Variants in UNC5C observed in about 807,000 individuals in gnomAD.
The protein encoded by UNC5C is netrin receptor UNC5C.
UNC5C carries 47 observed loss-of-function variants against 99.8 expected under a neutral mutation model. That is an observed-to-expected ratio of 0.47 (90% CI 0.37 to 0.60). The LOEUF (loss-of-function observed/expected upper bound fraction) is 0.60, where lower values mean the gene tolerates loss of function less well. UNC5C is among the 20% of genes least tolerant of loss of function. The probability of loss-of-function intolerance (pLI) is 0.00; values close to 1 mark genes in which losing one functional copy is unlikely to be tolerated. For missense variants in UNC5C, 1,062 were observed against 1,165.9 expected, an observed-to-expected ratio of 0.91 and a Z score of 1.30; for synonymous variants, 487 against 452.2, an observed-to-expected ratio of 1.08 and a Z score of -0.98.
chr4:95,374,252 G>A (rs1312850298), intron 1 of UNC5C, among the ~76,000 whole-genome samples: 1 of 152,054 alleles, frequency 6.6e-6, no homozygotes, highest in Non-Finnish European at 1.5e-5. Context: ...GATACTTCAA[G>A]GTTATATATC....
At chr4:95,190,067 A>G (rs572030287) in intron 12 of UNC5C, among the ~76,000 whole-genome samples, 1 of 152,330 alleles carries the variant, frequency 6.6e-6, no homozygotes, top group Admixed American at 6.5e-5. Flanking sequence ...CACTATTCAC[A>G]ATAGCAAAGA....
chr4:95,483,921 A>C (rs1356572692), intron 1 of UNC5C, among the ~76,000 whole-genome samples: 1 of 151,882 alleles, frequency 6.6e-6, no homozygotes, highest in African/African-American at 2.4e-5. Context: ...TACAGTTTTT[A>C]GGGCATTTCA....
chr4:95,489,287 G>A (rs1380026509), intron 1 of UNC5C, among the ~76,000 whole-genome samples: 2 of 151,718 alleles, frequency 1.3e-5, no homozygotes, highest in African/African-American at 4.8e-5. Flanking sequence ...GGAACCAAAG[G>A]CCCTAAGTTG....
chr4:95,265,889 T>C (rs192702430), intron 4 of UNC5C, among the ~76,000 whole-genome samples: 259 of 152,170 alleles, frequency 1.7e-3, no homozygotes, highest in African/African-American at 6.1e-3. Flanking sequence ...TGTAGGGGGA[T>C]TTAAATGAGA....
chr4:95,477,398 C>G (rs1025093431), intron 1 of UNC5C, among the ~76,000 whole-genome samples: 5 of 151,998 alleles, frequency 3.3e-5, no homozygotes, highest in African/African-American at 1.2e-4. Context: ...AATAACATAT[C>G]TAAGAAAAAA....
chr4:95,267,097 G>T (rs751801690), intron 4 of UNC5C, among the ~76,000 whole-genome samples: 4 of 152,120 alleles, frequency 2.6e-5, no homozygotes, highest in Non-Finnish European at 4.4e-5. Context: ...CTCATGGTTT[G>T]CTATCAAAAG....
At chr4:95,321,198 G>A (rs1477694782) in intron 2 of UNC5C, among the ~76,000 whole-genome samples, 1 of 152,028 alleles carries the variant, frequency 6.6e-6, no homozygotes. Flanking sequence ...GGATATAGTC[G>A]GGGTGCTCTG....
intron 1 of UNC5C, among the ~76,000 whole-genome samples, chr4:95,424,534 T>C (rs934330067): frequency 7.1e-6 from 1 of 140,512 alleles, no homozygotes; most frequent in Admixed American, 7.1e-5. Context: ...TTTTTTTTTT[T>C]TTTTTGAGAC....
intron 14 of UNC5C, among the ~76,000 whole-genome samples, chr4:95,181,924 G>A (rs1371236076): frequency 1.3e-5 from 2 of 152,198 alleles, no homozygotes; most frequent in East Asian, 3.8e-4. Context: ...CGAGGGAGAG[G>A]TAGTATTTTA....
intron 1 of UNC5C, among the ~76,000 whole-genome samples, chr4:95,456,805 TA>T (rs1747439928): frequency 6.6e-6 from 1 of 152,142 alleles, no homozygotes; most frequent in African/African-American, 2.4e-5. Flanking sequence ...CAAATACTAT[TA>T]AAAGATTCAG....
At chr4:95,190,942 C>G (rs893942628) in intron 12 of UNC5C, among the ~76,000 whole-genome samples, 3 of 152,156 alleles carry the variant, frequency 2.0e-5, no homozygotes, top group African/African-American at 7.2e-5. Flanking sequence ...GCAGCTTTCA[C>G]AATAACCAAT....
chr4:95,350,278 G>A lies in UNC5C; in HGVS notation c.125-14647C>T, dbSNP rs563427100. Among the ~76,000 whole-genome samples the A allele has an allele frequency of 3.3e-5, 5 of 152,122 alleles. No homozygotes were observed. The East Asian group carries it at 7.7e-4, about 24-fold the overall frequency. On this transcript the variant is annotated intron_variant, in intron 1 of 15. Transcript: ENST00000453304. The stretch of plus-strand genomic sequence containing the variant: ...CGAAGTGGGCAGATCATGAAGTCAA[G>A]AGATCAAAACCATCCTGGCCAAACA...
At chr4:95,335,683 C>T in intron 1 of UNC5C, 52 bp from the exon 2 acceptor site, 1 of 1,413,458 alleles carries the variant, frequency 7.1e-7, no homozygotes, top group South Asian at 1.4e-5. Flanking sequence ...AACAACTTGC[C>T]TTCTACTTGC....
At chr4:95,512,567 G>C (rs922166688) in intron 1 of UNC5C, among the ~76,000 whole-genome samples, 6 of 152,114 alleles carry the variant, frequency 3.9e-5, no homozygotes, top group African/African-American at 1.4e-4. Context: ...TTACCCCAGG[G>C]AGGAGAGTTT....
chr4:95,193,199 A>G (rs1737228179), intron 12 of UNC5C, among the ~76,000 whole-genome samples: 1 of 152,234 alleles, frequency 6.6e-6, no homozygotes, highest in African/African-American at 2.4e-5. Flanking sequence ...CCACGAGGCC[A>G]GGCATCAGCA....
intron 1 of UNC5C, among the ~76,000 whole-genome samples, chr4:95,478,870 T>C (rs1229915163): frequency 1.3e-5 from 2 of 151,872 alleles, no homozygotes; most frequent in Non-Finnish European, 2.9e-5. Context: ...GCCTTTATCA[T>C]GGTAATCAGC....
intron 2 of UNC5C, among the ~76,000 whole-genome samples, chr4:95,328,751 T>C (rs1390592164): frequency 1.3e-5 from 2 of 151,730 alleles, no homozygotes; most frequent in African/African-American, 2.4e-5. Flanking sequence ...TTTTAATGAT[T>C]GCCATTCTAA....
rs141510694 is a variant in UNC5C at position 95,436,872 on chromosome 4, C to G, written c.125-101241G>C. Reference sequence around the variant, plus strand: ...ATTTTCTAGCATCTAATTTCTATGACAGATGTACTATGGGATTTTCATAAT... The same window carrying G: ...ATTTTCTAGCATCTAATTTCTATGAGAGATGTACTATGGGATTTTCATAAT... On this transcript the variant is annotated intron_variant, in intron 1 of 15. Transcript: ENST00000453304. Among the ~76,000 whole-genome samples, 522 of 151,516 alleles carry G rather than the reference C, an allele frequency of 3.4e-3. 17 individuals carry two copies. Among genetic ancestry groups the G allele is most frequent in the East Asian group, 0.024 (122 of 5,146 alleles).
intron 1 of UNC5C, among the ~76,000 whole-genome samples, chr4:95,360,117 A>C (rs963463255): frequency 1.3e-5 from 2 of 152,172 alleles, no homozygotes; most frequent in African/African-American, 4.8e-5. Context: ...ACATCTATTT[A>C]TTAGTTATAG....
Sources: gnomAD v4.1 joint callset for allele counts (sites outside exome capture counted in the v4.1 genomes callset) on GRCh38, gnomAD v4.1.1 for gene constraint, MANE v1.5 for transcripts, NCBI Gene and HGNC (gene_info 2026-07-23, HGNC 2026-07-21) for gene names.